Variants in MS4A15 observed in about 807,000 individuals in gnomAD.
MS4A15 encodes membrane spanning 4-domains A15, also known as membrane-spanning 4-domains subfamily A member 15.
Under a neutral mutation model 20.6 loss-of-function variants are expected in MS4A15, and 22 were observed. The observed-to-expected ratio is 1.07, with a 90% CI of 0.76 to 1.52. MS4A15 has a LOEUF of 1.52. MS4A15 is among the 40% of genes most tolerant of loss of function. The probability of loss-of-function intolerance (pLI) is 0.00; values close to 1 mark genes in which losing one functional copy is unlikely to be tolerated. For synonymous variants in MS4A15, 129 were observed against 129.3 expected (o/e 1.00, Z 0.02); for missense variants, 312 against 323.0 (o/e 0.97, Z 0.26).
Position 60,767,602 on chromosome 11 carries a change from C to A in MS4A15, c.295C>A (p.His99Asn). 6.4e-7 allele frequency: 1 copy of A among 1,558,258 alleles called. No homozygotes were observed. Among genetic ancestry groups the A allele is most frequent in the East Asian group, 2.4e-5 (1 of 42,278 alleles). ...CGTGCTGCTCATGGTTCGCCGCGGCCACGTGGGCATCTTCTTCATCGAGGG... is the reference window on the plus strand; with the variant it reads ...CGTGCTGCTCATGGTTCGCCGCGGCAACGTGGGCATCTTCTTCATCGAGGG... ...GSVLLMVRRG[H>N]VGIFFIEGGV... is the part of the protein sequence containing the mutation. The change falls in exon 3 of 7, where the codon CAC becomes AAC. Residue 99 changes from histidine (H) to asparagine (N), a missense_variant. Coordinates refer to ENST00000405633, the MANE Select transcript of MS4A15 (RefSeq NM_001098835.2).
intron 6 of MS4A15, 23 bp downstream of exon 6, chr11:60,773,973 C>G: frequency 6.3e-7 from 1 of 1,582,970 alleles, no homozygotes; most frequent in South Asian, 1.1e-5. Flanking sequence ...ACCCCCACCC[C>G]CACGTCCACT....
chr11:60,760,130 C>T (rs1002670196), intron 1 of MS4A15, among the ~76,000 whole-genome samples: 1 of 152,218 alleles, frequency 6.6e-6, no homozygotes, highest in South Asian at 2.1e-4. Context: ...TTACATCACA[C>T]ATATTCACTC....
intron 3 of MS4A15, 41 bp downstream of exon 3, chr11:60,767,696 T>C: frequency 6.7e-7 from 1 of 1,502,582 alleles, no homozygotes; most frequent in Non-Finnish European, 8.9e-7. Context: ...AGGGGGATGC[T>C]GCCCAGGCTC....
chr11:60,757,661 G>A (rs560312852), intron 1 of MS4A15, among the ~76,000 whole-genome samples: 2 of 152,218 alleles, frequency 1.3e-5, no homozygotes, highest in Non-Finnish European at 2.9e-5. Context: ...ACCTGTATTC[G>A]TTGGCCCCGT....
At chr11:60,770,364 C>T (rs1854002670) in intron 3 of MS4A15, among the ~76,000 whole-genome samples, 1 of 152,130 alleles carries the variant, frequency 6.6e-6, no homozygotes, top group South Asian at 2.1e-4. Flanking sequence ...CTTTGGGAGG[C>T]CAAGTCAGGT....
intron 1 of MS4A15, among the ~76,000 whole-genome samples, chr11:60,760,101 C>A (rs1853699322): frequency 6.6e-6 from 1 of 152,168 alleles, no homozygotes; most frequent in Admixed American, 6.5e-5. Flanking sequence ...GGGCAAGCCC[C>A]CTTCGATCAT....
At chr11:60,763,635 C>A in intron 1 of MS4A15, 71 bp from the exon 2 acceptor site, 2 of 1,268,366 alleles carry the variant, frequency 1.6e-6, no homozygotes, top group Non-Finnish European at 2.2e-6. Context: ...GGGAAGTAGG[C>A]ACGTTGCTTA....
chr11:60,771,871 G>A (rs1406941324), intron 4 of MS4A15: 1 of 799,624 alleles, frequency 1.3e-6, no homozygotes, highest in Non-Finnish European at 1.7e-6. Flanking sequence ...TGGAGGCTTT[G>A]AACAGGAGGG....
At position 60,775,863 on chromosome 11, in the gene MS4A15, T is replaced by G. The variant is rs1239771649; in HGVS notation, c.*148T>G. 3 of 617,018 alleles carry G rather than the reference T, an allele frequency of 4.9e-6. No homozygotes were observed. In the African/African-American group the frequency reaches 5.5e-5, roughly 11 times the overall value. The allele number at this position is 617,018 out of a possible 1,614,324, so 38.2% of individuals were successfully genotyped here. A position where few individuals can be genotyped will look rare whatever the true frequency, so the allele number is the denominator to read the frequency against. On this transcript the variant is annotated 3_prime_UTR_variant, in exon 7 of 7. Transcript: ENST00000405633. Reference sequence around the variant, plus strand: ...CACATACTCCGGCATCTGAGTGAAGTGTCCCCAGGGACATCTCTCCCACAC... The same window carrying G: ...CACATACTCCGGCATCTGAGTGAAGGGTCCCCAGGGACATCTCTCCCACAC...
chr11:60,771,447 C>G, intron 4 of MS4A15, 100 bp downstream of exon 4: 1 of 1,568,342 alleles, frequency 6.4e-7, no homozygotes, highest in Non-Finnish European at 8.6e-7. Context: ...GCTCATTCCC[C>G]AGCACTTCAG....
rs1355143479 is a variant in MS4A15 at position 60,767,655 on chromosome 11, C to A, written c.348C>A (p.Cys116Ter). 1.0e-5 allele frequency: 16 copies of A among 1,547,818 alleles called. No individual in the cohort carries two copies. The highest frequency in any genetic ancestry group is 1.3e-5 in the Non-Finnish European group (15 of 1,145,762). ...EGGVPFWGGA[C>*]FIISGSLSVA... is the part of the protein sequence containing the mutation. ...GCGTCCCCTTCTGGGGAGGAGCCTGCGTGAGTGCCGGGGCCATGGAGAGGG... is the reference window on the plus strand; with the variant it reads ...GCGTCCCCTTCTGGGGAGGAGCCTGAGTGAGTGCCGGGGCCATGGAGAGGG... Residue 116 changes from cysteine (C) to a stop codon, truncating the protein, a stop_gained and splice_region_variant, in exon 3 of 7, where the codon TGC becomes TGA. Coordinates refer to ENST00000405633, the MANE Select transcript of MS4A15 (RefSeq NM_001098835.2). LOFTEE classifies it high-confidence loss of function.
At chr11:60,763,044 G>A (rs1853788302) in intron 1 of MS4A15, among the ~76,000 whole-genome samples, 1 of 152,116 alleles carries the variant, frequency 6.6e-6, no homozygotes, top group Non-Finnish European at 1.5e-5. Flanking sequence ...TGCTGGGGTG[G>A]ACTCTCTCAG....
At position 60,775,678 on chromosome 11, in the gene MS4A15, C is replaced by T; in HGVS notation, c.686C>T (p.Ala229Val). The T allele has an allele frequency of 2.5e-6, 4 of 1,613,986 alleles. No individual in the cohort carries two copies. The highest frequency in any genetic ancestry group is 3.4e-6 in the Non-Finnish European group (4 of 1,179,940). The part of the protein sequence containing the change: ...IPSPAASAPP[A>V]YDNVAYAQGV... ...AGCCCGGCAGCCTCTGCGCCCCCTG[C>T]CTATGACAATGTGGCATATGCCCAA... The change falls in exon 7 of 7, where the codon GCC (alanine) becomes GTC (valine). Residue 229 changes from alanine to valine, a missense_variant. Ala to Val is a moderately conservative substitution (Grantham distance 64). Coordinates refer to ENST00000405633, the MANE Select transcript of MS4A15 (RefSeq NM_001098835.2).
intron 2 of MS4A15, 44 bp from the exon 3 acceptor site, chr11:60,767,489 T>G (rs1298860087): frequency 2.8e-6 from 4 of 1,446,506 alleles, no homozygotes; most frequent in East Asian, 2.8e-5. Flanking sequence ...CAGGGGGCGG[T>G]GTGGAACAGG....
Position 60,767,516 on chromosome 11 carries a change from C to T in MS4A15, c.226-17C>T, listed in dbSNP as rs767781806. On this transcript the variant is annotated splice_polypyrimidine_tract_variant and intron_variant, in intron 2 of 6. Transcript: ENST00000405633. ...TGGAACAGGGCCCGCGGCACTGAGCCTCGGGGCTTCCCGCAGACGGTGCAG... is the reference window on the plus strand; with the variant it reads ...TGGAACAGGGCCCGCGGCACTGAGCTTCGGGGCTTCCCGCAGACGGTGCAG... 6.6e-7 allele frequency: 1 copy of T among 1,508,138 alleles called. No homozygotes were observed. Among genetic ancestry groups the T allele is most frequent in the South Asian group, 1.3e-5 (1 of 78,868 alleles). The allele number at this position is 1,508,138 out of a possible 1,614,324, so 93.4% of individuals were successfully genotyped here. A position where few individuals can be genotyped will look rare whatever the true frequency, so the allele number is the denominator to read the frequency against.
At chr11:60,757,431 G>A (rs559599884) in intron 1 of MS4A15, among the ~76,000 whole-genome samples, 1 of 152,126 alleles carries the variant, frequency 6.6e-6, no homozygotes, top group Admixed American at 6.5e-5. Flanking sequence ...GGGTCAGACC[G>A]CCCGTCTTTG....
Position 60,767,394 on chromosome 11 carries a change from C to T in MS4A15, c.226-139C>T, listed in dbSNP as rs553372018. On this transcript the variant is annotated intron_variant, in intron 2 of 6. Transcript: ENST00000405633. ...CTATTGGTTTCTGTAATAATATCGC[C>T]TCTAAAGAACAGAATCTGAGTTTCT... is the stretch of plus-strand genomic sequence containing the variant. The T allele has an allele frequency of 8.3e-5, 91 of 1,093,530 alleles. No homozygotes were observed. In the East Asian group the frequency reaches 2.2e-3, roughly 26 times the overall value. The allele number at this position is 1,093,530 out of a possible 1,614,324, so 67.7% of individuals were successfully genotyped here. A position where few individuals can be genotyped will look rare whatever the true frequency, so the allele number is the denominator to read the frequency against.
chr11:60,757,304 G>C (rs1225265425), intron 1 of MS4A15, among the ~76,000 whole-genome samples: 1 of 152,206 alleles, frequency 6.6e-6, no homozygotes, highest in African/African-American at 2.4e-5. Flanking sequence ...TATGGAGCAG[G>C]TAGGTCACTG....
In MS4A15 at chr11:60,767,525, T is replaced by C; in HGVS notation, c.226-8T>C. The stretch of plus-strand genomic sequence containing the variant: ...GCCCGCGGCACTGAGCCTCGGGGCT[T>C]CCCGCAGACGGTGCAGATCCTCATC... On this transcript the variant is annotated splice_region_variant and splice_polypyrimidine_tract_variant and intron_variant, in intron 2 of 6. Transcript: ENST00000405633. 1 of 1,515,374 alleles carries C rather than the reference T, an allele frequency of 6.6e-7. No individual in the cohort carries two copies. The highest frequency in any genetic ancestry group is 8.9e-7 in the Non-Finnish European group (1 of 1,125,736). The allele number at this position is 1,515,374 out of a possible 1,614,324, so 93.9% of individuals were successfully genotyped here. A position where few individuals can be genotyped will look rare whatever the true frequency, so the allele number is the denominator to read the frequency against.
Sources: allele counts gnomAD v4.1 joint callset (sites outside exome capture counted in the v4.1 genomes callset), GRCh38; gene constraint gnomAD v4.1.1; transcripts MANE v1.5; gene names NCBI Gene and HGNC (gene_info 2026-07-23, HGNC 2026-07-21).